CPM: variants seen among roughly 807,000 people sequenced by gnomAD.
CPM encodes the protein renal carboxypeptidase.
CPM carries 35 observed loss-of-function variants against 46.4 expected under a neutral mutation model. That is an observed-to-expected ratio of 0.75 (90% CI 0.58 to 1.00). The LOEUF is 1.00. Among genes scored for constraint, CPM ranks in the 50% least tolerant of loss-of-function variants. The pLI, the probability that CPM is intolerant of heterozygous loss-of-function variation, is 0.00. For synonymous variants in CPM, 195 were observed against 195.3 expected, an observed-to-expected ratio of 1.00 and a Z score of 0.01; for missense variants, 422 against 530.4, an observed-to-expected ratio of 0.80 and a Z score of 2.01.
intron 3 of CPM, among the ~76,000 whole-genome samples, chr12:68,884,943 G>GT (rs1886364913): frequency 6.6e-6 from 1 of 151,998 alleles, no homozygotes; most frequent in East Asian, 1.9e-4. Flanking sequence ...ATTTAAAATT[G>GT]TGTTTTGTTT....
intron 1 of CPM, among the ~76,000 whole-genome samples, chr12:68,951,750 C>G (rs954420173): frequency 2.0e-5 from 3 of 152,150 alleles, no homozygotes; most frequent in Non-Finnish European, 4.4e-5. Flanking sequence ...GCAGAGCAAC[C>G]AGGAGCCCGG....
In CPM at chr12:68,902,966, A is replaced by T. The variant is rs1010132612; in HGVS notation, c.161-17077T>A. 2.0e-5 allele frequency among the ~76,000 whole-genome samples: 3 copies of T among 152,358 alleles called. No individual in the cohort carries two copies. The East Asian group carries it at 5.8e-4, about 29-fold the overall frequency. ...ACAAAAGTGACAAAAAGTCACTATT[A>T]ACAAGTTGCTTCTCCAATAGATGAG... is the stretch of plus-strand genomic sequence containing the variant. On this transcript the variant is annotated intron_variant, in intron 2 of 8. Coordinates refer to ENST00000551568, the MANE Select transcript of CPM (RefSeq NM_198320.5).
At chr12:68,908,017 C>T (rs144388854) in intron 2 of CPM, among the ~76,000 whole-genome samples, 3,701 of 152,110 alleles carry the variant, frequency 0.024, 126 homozygotes, top group African/African-American at 0.082. Context: ...TTAGTAGAGA[C>T]GAGGTTTCAC....
upstream of CPM, among the ~76,000 whole-genome samples, chr12:68,933,650 G>A (rs1381049721): frequency 6.6e-6 from 1 of 152,186 alleles, no homozygotes; most frequent in Non-Finnish European, 1.5e-5. Context: ...GGCTCCTGCG[G>A]GACGGGCGGC....
intron 1 of CPM, among the ~76,000 whole-genome samples, chr12:68,946,942 C>T (rs201557637): frequency 2.0e-5 from 3 of 152,112 alleles, no homozygotes; most frequent in East Asian, 1.9e-4. Flanking sequence ...GAATAAGCAA[C>T]GTTTTAAGCA....
chr12:68,872,098 A>G, intron 3 of CPM, 142 bp from the exon 4 acceptor site: 1 of 854,894 alleles, frequency 1.2e-6, no homozygotes, highest in East Asian at 2.6e-5. Flanking sequence ...CTCTTTCTCA[A>G]GCATGCTTAT....
chr12:68,904,579 T>G (rs539293770), intron 2 of CPM, among the ~76,000 whole-genome samples: 2 of 152,350 alleles, frequency 1.3e-5, no homozygotes, highest in South Asian at 4.1e-4. Context: ...TCAGCAATGC[T>G]GAGCAACAGA....
intron 2 of CPM, among the ~76,000 whole-genome samples, chr12:68,891,045 G>A (rs945034574): frequency 6.6e-6 from 1 of 152,250 alleles, no homozygotes; most frequent in Non-Finnish European, 1.5e-5. Flanking sequence ...CCAAGCTTGA[G>A]AGAGTTTCCT....
chr12:68,930,283 T>C (rs1888447039), intron 2 of CPM, among the ~76,000 whole-genome samples: 1 of 152,254 alleles, frequency 6.6e-6, no homozygotes, highest in African/African-American at 2.4e-5. Flanking sequence ...CGTTTCACCA[T>C]GTTGGCCAGG....
chr12:68,913,073 G>C (rs2136295161), intron 2 of CPM, among the ~76,000 whole-genome samples: 1 of 152,230 alleles, frequency 6.6e-6, no homozygotes, highest in South Asian at 2.1e-4. Context: ...TCTCCTCCCG[G>C]ATGTTAAGGA....
chr12:68,845,203 TATAAAAAGAAAA>T (rs1884180578), intron 5 of CPM: 1 of 217,334 alleles, frequency 4.6e-6, no homozygotes, highest in Non-Finnish European at 9.1e-6. Flanking sequence ...ATTTGATACT[TATAAAAAGAAAA>T]AGTATTTCTT....
rs10659287 is a variant in CPM at position 68,872,252 on chromosome 12, CTTTT to C, written c.259-300_259-297del. ...ATAATGCTGCTGCTGCTGCTGCTTC[CTTTT>C]TTTTTTTTTTTTTTTGAGACAGTCT... On this transcript the variant is annotated intron_variant, in intron 3 of 8. Coordinates refer to ENST00000551568, the MANE Select transcript of CPM (RefSeq NM_198320.5). Among the ~76,000 whole-genome samples the C allele has an allele frequency of 2.8e-3, 333 of 117,214 alleles. 5 individuals carry two copies. Among genetic ancestry groups the C allele is most frequent in the Admixed American group, 5.0e-3 (51 of 10,224 alleles). The allele number at this position is 117,214 out of a possible 152,430, so 76.9% of individuals were successfully genotyped here. A position where few individuals can be genotyped will look rare whatever the true frequency, so the allele number is the denominator to read the frequency against.
intron 1 of CPM, among the ~76,000 whole-genome samples, chr12:68,961,207 TG>T (rs1485630145): frequency 6.6e-6 from 1 of 152,188 alleles, no homozygotes; most frequent in Non-Finnish European, 1.5e-5. Flanking sequence ...TGGAGTGCAG[TG>T]GTGTGATCTC....
chr12:68,860,106 C>T (rs1215444673), intron 7 of CPM, among the ~76,000 whole-genome samples: 1 of 152,156 alleles, frequency 6.6e-6, no homozygotes, highest in African/African-American at 2.4e-5. Flanking sequence ...TGGCATTTAG[C>T]AAAACAATGT....
At chr12:68,913,742 C>T in intron 2 of CPM, 1 of 436,910 alleles carries the variant, frequency 2.3e-6, no homozygotes, top group South Asian at 1.9e-5. Flanking sequence ...CTACTCACTG[C>T]TGGTAGTGGA....
chr12:68,884,713 C>T (rs545444089), intron 3 of CPM, among the ~76,000 whole-genome samples: 3 of 152,282 alleles, frequency 2.0e-5, no homozygotes, highest in South Asian at 2.1e-4. Context: ...ACTCTTTGAT[C>T]GCTCAGTTTT....
At chr12:68,921,332 G>C (rs1592697475) in intron 2 of CPM, among the ~76,000 whole-genome samples, 1 of 151,826 alleles carries the variant, frequency 6.6e-6, no homozygotes, top group East Asian at 1.9e-4. Context: ...AGTAGAGATG[G>C]GGTTTCACCA....
intron 2 of CPM, among the ~76,000 whole-genome samples, chr12:68,894,451 A>G (rs1386052523): frequency 6.6e-6 from 1 of 152,062 alleles, no homozygotes; most frequent in Non-Finnish European, 1.5e-5. Flanking sequence ...CCTGCCCTCC[A>G]CCCGAATTTC....
chr12:68,887,044 G>C (rs1272326956), intron 2 of CPM, among the ~76,000 whole-genome samples: 1 of 152,154 alleles, frequency 6.6e-6, no homozygotes, highest in Non-Finnish European at 1.5e-5. Flanking sequence ...GCTGTGATTT[G>C]AGCCCCTGAG....
Sources: allele counts gnomAD v4.1 joint callset (sites outside exome capture counted in the v4.1 genomes callset), GRCh38; gene constraint gnomAD v4.1.1; transcripts MANE v1.5; gene names NCBI Gene and HGNC (gene_info 2026-07-23, HGNC 2026-07-21).